Variants in CHMP4C observed in about 807,000 individuals in gnomAD.
CHMP4C encodes the protein SNF7 homolog associated with Alix 3.
In CHMP4C, 28 loss-of-function variants were observed where a neutral mutation model predicts 29.0. The ratio of observed to expected loss-of-function variants is 0.97; its 90% CI spans 0.72 to 1.32. The LOEUF is 1.32. Ranked by LOEUF, CHMP4C falls within the 40% of genes most tolerant of loss-of-function variation. The probability of loss-of-function intolerance (pLI) is 0.00; values close to 1 mark genes in which losing one functional copy is unlikely to be tolerated. For missense variants in CHMP4C, 291 were observed against 281.0 expected, an observed-to-expected ratio of 1.04 and a Z score of -0.25; for synonymous variants, 106 against 102.4, an observed-to-expected ratio of 1.04 and a Z score of -0.21.
intron 1 of CHMP4C, among the ~76,000 whole-genome samples, chr8:81,744,776 GTC>G (rs1808802104): frequency 6.6e-6 from 1 of 152,110 alleles, no homozygotes; most frequent in African/African-American, 2.4e-5. Context: ...TTCATATTTT[GTC>G]TCTCTCTGAG....
At chr8:81,734,989 G>T (rs1563617358) in intron 1 of CHMP4C, among the ~76,000 whole-genome samples, 1 of 151,912 alleles carries the variant, frequency 6.6e-6, no homozygotes, top group Admixed American at 6.6e-5. Context: ...CAACTCCTGG[G>T]TTCAAGTGAT....
At chr8:81,737,815 T>C (rs1212488471) in intron 1 of CHMP4C, among the ~76,000 whole-genome samples, 2 of 152,214 alleles carry the variant, frequency 1.3e-5, no homozygotes, top group Admixed American at 6.5e-5. Context: ...AAACATTAGC[T>C]CTTGGTATAA....
In CHMP4C at chr8:81,749,686, A is replaced by G. The variant is rs547243600; in HGVS notation, c.191-3378A>G. 3.3e-5 allele frequency among the ~76,000 whole-genome samples: 5 copies of G among 152,306 alleles called. No homozygotes were observed. In the South Asian group the frequency reaches 1.0e-3, roughly 32 times the overall value. On this transcript the variant is annotated intron_variant, in intron 1 of 4. Coordinates refer to ENST00000297265, the MANE Select transcript of CHMP4C (RefSeq NM_152284.4). ...TAATCATGATGCATGACCTGTACTC[A>G]TTTTAAGTGATGTTCCCTCACCTGC...
chr8:81,738,481 C>G (rs1808721211), intron 1 of CHMP4C, among the ~76,000 whole-genome samples: 1 of 152,178 alleles, frequency 6.6e-6, no homozygotes, highest in South Asian at 2.1e-4. Flanking sequence ...ACTTGATCTT[C>G]TTTGGAGAGA....
Position 81,758,308 on chromosome 8 carries a change from G to C in CHMP4C, c.637+13G>C, listed in dbSNP as rs1245273800. The C allele has an allele frequency of 1.2e-6, 2 of 1,613,560 alleles. No individual in the cohort carries two copies. Among genetic ancestry groups the C allele is most frequent in the Admixed American group, 3.3e-5 (2 of 59,926 alleles). ...CGATCCCGAGCAGGTCTGTTACCCA[G>C]CTCAACTACATGTGGTCAGATAGTT... On this transcript the variant is annotated intron_variant, in intron 4 of 4. Coordinates refer to ENST00000297265, the MANE Select transcript of CHMP4C (RefSeq NM_152284.4).
In CHMP4C at chr8:81,732,524, C is replaced by G. The variant is rs1195752509; in HGVS notation, c.-103C>G. On this transcript the variant is annotated 5_prime_UTR_variant, in exon 1 of 5. Coordinates refer to ENST00000297265, the MANE Select transcript of CHMP4C (RefSeq NM_152284.4). ...TTCCCAGGAGGGCCGCCTTTCCGGT[C>G]TGGGTCCCCGAGAGGACTGCCTTGC... 3.4e-5 allele frequency: 27 copies of G among 801,032 alleles called. No individual in the cohort carries two copies. The Admixed American group carries it at 8.0e-4, about 24-fold the overall frequency. The allele number at this position is 801,032 out of a possible 1,614,324, so 49.6% of individuals were successfully genotyped here. A position where few individuals can be genotyped will look rare whatever the true frequency, so the allele number is the denominator to read the frequency against.
chr8:81,736,434 G>GAGCC (rs1308078390), intron 1 of CHMP4C, among the ~76,000 whole-genome samples: 1 of 151,994 alleles, frequency 6.6e-6, no homozygotes, highest in African/African-American at 2.4e-5. Context: ...GTGCTGACAA[G>GAGCC]AGCCACTGGG....
chr8:81,756,275 C>A (rs1455662756), intron 3 of CHMP4C, among the ~76,000 whole-genome samples: 1 of 152,064 alleles, frequency 6.6e-6, no homozygotes, highest in South Asian at 2.1e-4. Context: ...GTTTGTATAT[C>A]CCAAAAGCTC....
At chr8:81,736,302 C>T (rs117824712) in intron 1 of CHMP4C, among the ~76,000 whole-genome samples, 1,650 of 150,968 alleles carry the variant, frequency 0.011, 17 homozygotes, top group Non-Finnish European at 0.015. Flanking sequence ...ACCACAGGCA[C>T]GCACTACCAC....
chr8:81,735,421 A>C lies in CHMP4C; in HGVS notation c.190+2605A>C, dbSNP rs574911801. ...TAAACCAGATAACTTCATATACTTC[A>C]TAACTTCATATACATAGTTAACTGT... On this transcript the variant is annotated intron_variant, in intron 1 of 4. Coordinates refer to ENST00000297265, the MANE Select transcript of CHMP4C (RefSeq NM_152284.4). Among the ~76,000 whole-genome samples, 14 of 151,072 alleles carry C rather than the reference A, an allele frequency of 9.3e-5. No homozygotes were observed. In the South Asian group the frequency reaches 2.5e-3, roughly 27 times the overall value.
chr8:81,739,093 T>C (rs1443642507), intron 1 of CHMP4C, among the ~76,000 whole-genome samples: 1 of 135,566 alleles, frequency 7.4e-6, no homozygotes, highest in Non-Finnish European at 1.5e-5. Context: ...TTTTTTTCTT[T>C]TCCCTTTTTT....
In CHMP4C at chr8:81,740,933, G is replaced by C. The variant is rs9792168; in HGVS notation, c.190+8117G>C. 7.2e-5 allele frequency among the ~76,000 whole-genome samples: 11 copies of C among 152,256 alleles called. No homozygotes were observed. In the East Asian group the frequency reaches 2.1e-3, roughly 29 times the overall value. On this transcript the variant is annotated intron_variant, in intron 1 of 4. Coordinates refer to ENST00000297265, the MANE Select transcript of CHMP4C (RefSeq NM_152284.4). ...TGGATGATCTACAGTTTTTCCTTGA[G>C]TCAGTATCCAGCAACCAAAAGAAAA...
intron 1 of CHMP4C, among the ~76,000 whole-genome samples, chr8:81,739,417 G>GT (rs1426837242): frequency 8.2e-5 from 8 of 97,504 alleles, no homozygotes; most frequent in South Asian, 4.1e-4. Context: ...CTGGGGGATT[G>GT]TGGGGGGGGG....
At chr8:81,732,883 G>A in intron 1 of CHMP4C, 67 bp downstream of exon 1, 3 of 1,471,612 alleles carry the variant, frequency 2.0e-6, no homozygotes, top group South Asian at 1.3e-5. Context: ...GGGACAATCG[G>A]CCCACACCAC....
chr8:81,736,905 TCTC>T (rs1468336429), intron 1 of CHMP4C, among the ~76,000 whole-genome samples: 6 of 152,192 alleles, frequency 3.9e-5, no homozygotes, highest in Non-Finnish European at 7.4e-5. Flanking sequence ...GGTAGCTACT[TCTC>T]CTCCCTTCAA....
At position 81,739,862 on chromosome 8, in the gene CHMP4C, T is replaced by C. The variant is rs540866174; in HGVS notation, c.190+7046T>C. ...TCAGATACCCATTTCACTTGCCTTT[T>C]TCCCATTGGATGTGGAAAGAGCTAA... On this transcript the variant is annotated intron_variant, in intron 1 of 4. Coordinates refer to ENST00000297265, the MANE Select transcript of CHMP4C (RefSeq NM_152284.4). Among the ~76,000 whole-genome samples the C allele has an allele frequency of 1.1e-4, 17 of 152,348 alleles. No homozygotes were observed. In the South Asian group the frequency reaches 3.5e-3, roughly 32 times the overall value.
At chr8:81,749,015 A>G (rs1362307781) in intron 1 of CHMP4C, among the ~76,000 whole-genome samples, 1 of 152,078 alleles carries the variant, frequency 6.6e-6, no homozygotes, top group Non-Finnish European at 1.5e-5. Flanking sequence ...CCTATCATTC[A>G]CAGGGACTAT....
chr8:81,745,972 C>T (rs1438620100), intron 1 of CHMP4C, among the ~76,000 whole-genome samples: 1 of 152,124 alleles, frequency 6.6e-6, no homozygotes, highest in Non-Finnish European at 1.5e-5. Context: ...GCATTTGTTG[C>T]ATGCCTTTGA....
At position 81,733,311 on chromosome 8, in the gene CHMP4C, G is replaced by A. The variant is rs146070151; in HGVS notation, c.190+495G>A. On this transcript the variant is annotated intron_variant, in intron 1 of 4. Coordinates refer to ENST00000297265, the MANE Select transcript of CHMP4C (RefSeq NM_152284.4). ...TTTGTCTTGATTACTGAGTGTTTTCGCACCCCTGTAAATTTTGCTCCTGGT... is the reference window on the plus strand; with the variant it reads ...TTTGTCTTGATTACTGAGTGTTTTCACACCCCTGTAAATTTTGCTCCTGGT... Among the ~76,000 whole-genome samples the A allele has an allele frequency of 3.3e-3, 494 of 151,760 alleles. 1 individual carries two copies. The highest frequency in any genetic ancestry group is 5.7e-3 in the African/African-American group (237 of 41,358).
Sources: gnomAD v4.1 joint callset for allele counts (sites outside exome capture counted in the v4.1 genomes callset) on GRCh38, gnomAD v4.1.1 for gene constraint, MANE v1.5 for transcripts, NCBI Gene and HGNC (gene_info 2026-07-23, HGNC 2026-07-21) for gene names.